The following MGAT4C variants were observed in gnomAD, a reference collection of about 807,000 sequenced individuals.
The protein encoded by MGAT4C is alpha-1,3-mannosyl-glycoprotein 4-beta-N-acetylglucosaminyltransferase C.
In MGAT4C, 19 loss-of-function variants were observed where a neutral mutation model predicts 40.1. That is an observed-to-expected ratio of 0.47 (90% CI 0.33 to 0.70). The LOEUF (loss-of-function observed/expected upper bound fraction) is 0.70. Ranked by LOEUF, MGAT4C falls within the 30% of genes least tolerant of loss-of-function variation. MGAT4C has a pLI of 0.02. For missense variants in MGAT4C, 491 were observed against 563.2 expected (o/e 0.87, Z 1.30); for synonymous variants, 181 against 187.1 (o/e 0.97, Z 0.27).
In MGAT4C at chr12:86,506,704, A is replaced by T. The variant is rs568297790; in HGVS notation, c.-228-71439T>A. On this transcript the variant is annotated intron_variant, in intron 2 of 7. Transcript: ENST00000548651. ...ACATAGATATATCTGATTTTTGTGG[A>T]TCAAGAAATGCAGAATTAGTCTAGT... Among the ~76,000 whole-genome samples the T allele has an allele frequency of 7.9e-5, 12 of 152,308 alleles. No homozygotes were observed. In the East Asian group the frequency reaches 2.1e-3, roughly 27 times the overall value.
intron 1 of MGAT4C, among the ~76,000 whole-genome samples, chr12:86,153,285 C>T (rs1884522651): frequency 6.6e-6 from 1 of 152,070 alleles, no homozygotes; most frequent in Non-Finnish European, 1.5e-5. Flanking sequence ...AAAAACCTAC[C>T]CTCAAATGAA....
Position 85,979,803 on chromosome 12 carries a change from A to C in MGAT4C, c.923T>G (p.Leu308Arg). The C allele has an allele frequency of 6.2e-7, 1 of 1,613,792 alleles. No individual in the cohort carries two copies. Among genetic ancestry groups the C allele is most frequent in the Non-Finnish European group, 8.5e-7 (1 of 1,179,818 alleles). Residue 308 changes from leucine to arginine, a missense_variant, in exon 5 of 5, where the codon CTC (leucine) becomes CGC (arginine). Physicochemically the swap from Leu to Arg is moderately radical, Grantham distance 102. Coordinates refer to ENST00000611864, the MANE Select transcript of MGAT4C (RefSeq NM_001351288.2). Reference protein sequence around the residue: ...QKNVIRFKPSLFQHMGYYSSY... With the variant: ...QKNVIRFKPSRFQHMGYYSSY... ...TGAATAATAGCCCATGTGCTGAAAG[A>C]GAGATGGTTTAAAACGGATCACATT...
intron 3 of MGAT4C, among the ~76,000 whole-genome samples, chr12:86,391,644 G>C (rs1022996663): frequency 7.9e-5 from 12 of 152,038 alleles, no homozygotes; most frequent in African/African-American, 2.9e-4. Context: ...GGATAACCAG[G>C]TCAGGAGATC....
At chr12:86,808,219 G>A (rs559653160) in intron 1 of MGAT4C, among the ~76,000 whole-genome samples, 37 of 152,074 alleles carry the variant, frequency 2.4e-4, no homozygotes, top group Admixed American at 9.8e-4. Context: ...GCAGACATCC[G>A]TCCTTCTGAA....
intron 3 of MGAT4C, among the ~76,000 whole-genome samples, chr12:86,382,627 G>T (rs1039997315): frequency 6.6e-6 from 1 of 152,204 alleles, no homozygotes; most frequent in African/African-American, 2.4e-5. Flanking sequence ...CACAGGCCCA[G>T]GGGTTTAGGA....
In MGAT4C at chr12:85,964,676, A is replaced by T. The variant is rs1330881963; in HGVS notation, c.*14613T>A. ...AAAACTACCATTATTTTTGCCAAAT[A>T]TTGTAGCTTAGTTTTAAGTTTTTCT... is the stretch of plus-strand genomic sequence containing the variant. On this transcript the variant is annotated 3_prime_UTR_variant, in exon 5 of 5. Transcript: ENST00000611864. 1 of 152,146 alleles carries T rather than the reference A, an allele frequency of 6.6e-6. No individual in the cohort carries two copies. The highest frequency in any genetic ancestry group is 1.5e-5 in the Non-Finnish European group (1 of 68,020). 9.4% of individuals were successfully genotyped at this position (152,146 alleles called of 1,614,324 possible).
At chr12:86,374,934 A>C (rs1454176528) in intron 3 of MGAT4C, among the ~76,000 whole-genome samples, 1 of 152,138 alleles carries the variant, frequency 6.6e-6, no homozygotes, top group Non-Finnish European at 1.5e-5. Flanking sequence ...ATGAACAAAT[A>C]ATCTCCAGGA....
chr12:86,806,595 A>G (rs527794377), intron 1 of MGAT4C, among the ~76,000 whole-genome samples: 1 of 152,060 alleles, frequency 6.6e-6, no homozygotes, highest in East Asian at 1.9e-4. Flanking sequence ...TACCACGCCC[A>G]TCTCTTCCTG....
intron 4 of MGAT4C, among the ~76,000 whole-genome samples, chr12:86,318,766 G>A (rs991158574): frequency 4.6e-5 from 7 of 151,906 alleles, no homozygotes; most frequent in Non-Finnish European, 8.8e-5. Context: ...CATCCCAACG[G>A]CACATCTTTA....
intron 1 of MGAT4C, among the ~76,000 whole-genome samples, chr12:86,768,402 T>C (rs1320864798): frequency 6.6e-6 from 1 of 152,118 alleles, no homozygotes; most frequent in East Asian, 1.9e-4. Context: ...TCCATGCTCA[T>C]GGGTAGGAAG....
intron 2 of MGAT4C, among the ~76,000 whole-genome samples, chr12:86,574,999 T>C (rs762162254): frequency 6.6e-6 from 1 of 151,744 alleles, no homozygotes; most frequent in Non-Finnish European, 1.5e-5. Flanking sequence ...CACTTCAAAA[T>C]CAAAACCTTA....
intron 3 of MGAT4C, among the ~76,000 whole-genome samples, chr12:86,353,225 CT>C (rs1955216382): frequency 1.3e-5 from 2 of 151,876 alleles, no homozygotes; most frequent in African/African-American, 4.8e-5. Context: ...GATAGTAGGA[CT>C]TTTTAAAATG....
At chr12:86,236,414 C>A (rs1951547398) in intron 1 of MGAT4C, among the ~76,000 whole-genome samples, 1 of 151,944 alleles carries the variant, frequency 6.6e-6, no homozygotes, top group Admixed American at 6.6e-5. Flanking sequence ...CACCCTTATC[C>A]CAGCAGGTTT....
At chr12:86,740,842 C>T (rs1951058176) in intron 1 of MGAT4C, among the ~76,000 whole-genome samples, 1 of 151,158 alleles carries the variant, frequency 6.6e-6, no homozygotes, top group Admixed American at 6.6e-5. Context: ...ATTGCATCCA[C>T]TTTTTAAAAA....
chr12:86,597,732 T>C (rs993830681), intron 2 of MGAT4C, among the ~76,000 whole-genome samples: 3 of 152,162 alleles, frequency 2.0e-5, no homozygotes, highest in Admixed American at 2.0e-4. Flanking sequence ...TATATCCTGA[T>C]GATTTCATCC....
intron 1 of MGAT4C, among the ~76,000 whole-genome samples, chr12:86,748,488 C>T (rs1951186435): frequency 6.6e-6 from 1 of 151,602 alleles, no homozygotes; most frequent in African/African-American, 2.4e-5. Context: ...TTGACTTTAA[C>T]ATTTAGGAAA....
intron 2 of MGAT4C, among the ~76,000 whole-genome samples, chr12:86,440,147 C>G (rs1957201824): frequency 6.6e-6 from 1 of 151,978 alleles, no homozygotes; most frequent in Non-Finnish European, 1.5e-5. Context: ...ATTCTAATAA[C>G]AAAGACAGGG....
chr12:86,640,469 T>C (rs1392342447), intron 2 of MGAT4C, among the ~76,000 whole-genome samples: 1 of 151,994 alleles, frequency 6.6e-6, no homozygotes, highest in East Asian at 1.9e-4. Context: ...CATTTTTTAT[T>C]GCATCTATTT....
intron 2 of MGAT4C, among the ~76,000 whole-genome samples, chr12:86,000,267 A>T (rs1210844005): frequency 6.6e-6 from 1 of 152,148 alleles, no homozygotes; most frequent in African/African-American, 2.4e-5. Flanking sequence ...GTAAAAATCA[A>T]TGAATAAGAA....
Sources: gnomAD v4.1 joint callset for allele counts (sites outside exome capture counted in the v4.1 genomes callset) on GRCh38, gnomAD v4.1.1 for gene constraint, MANE v1.5 for transcripts, NCBI Gene and HGNC (gene_info 2026-07-23, HGNC 2026-07-21) for gene names.